Variants in FCHSD2 observed in about 807,000 individuals in gnomAD.
FCHSD2 encodes the protein FCH and double SH3 domains 2, also known as F-BAR and double SH3 domains protein 2.
FCHSD2 carries 38 observed loss-of-function variants against 108.1 expected under a neutral mutation model. The ratio of observed to expected loss-of-function variants is 0.35; its 90% confidence interval spans 0.27 to 0.46. FCHSD2 has a LOEUF of 0.46. Among genes scored for constraint, FCHSD2 ranks in the 20% least tolerant of loss-of-function variants. FCHSD2 has a pLI of 1.00. For missense variants in FCHSD2, 751 were observed against 897.8 expected, an observed-to-expected ratio of 0.84 and a Z score of 2.09; for synonymous variants, 279 against 314.7, an observed-to-expected ratio of 0.89 and a Z score of 1.20.
chr11:72,966,399 A>T (rs989645092), intron 8 of FCHSD2, among the ~76,000 whole-genome samples: 3 of 152,070 alleles, frequency 2.0e-5, no homozygotes, highest in Non-Finnish European at 4.4e-5. Context: ...ATCTCAAGTG[A>T]TCCTCCTGCT....
At chr11:73,061,610 G>A (rs1216615459) in intron 3 of FCHSD2, among the ~76,000 whole-genome samples, 5 of 152,176 alleles carry the variant, frequency 3.3e-5, no homozygotes, top group Admixed American at 6.5e-5. Flanking sequence ...GACCTGGGAC[G>A]CTCGAGCTTG....
At chr11:73,018,494 G>A (rs891270750) in intron 3 of FCHSD2, among the ~76,000 whole-genome samples, 2 of 149,904 alleles carry the variant, frequency 1.3e-5, no homozygotes, top group African/African-American at 4.9e-5. Context: ...TACTCTATAA[G>A]CTCCATCAGG....
At chr11:72,953,460 C>T (rs1304896262) in intron 8 of FCHSD2, among the ~76,000 whole-genome samples, 7 of 152,130 alleles carry the variant, frequency 4.6e-5, no homozygotes, top group African/African-American at 7.2e-5. Context: ...TGTAAAACAT[C>T]ATCTAATTTA....
intron 8 of FCHSD2, among the ~76,000 whole-genome samples, chr11:72,973,316 G>A (rs1297424017): frequency 1.3e-5 from 2 of 151,792 alleles, no homozygotes; most frequent in African/African-American, 2.4e-5. Context: ...GTGGTGAGAC[G>A]AGATCGTGCC....
At chr11:73,115,912 T>C (rs894393480) in intron 2 of FCHSD2, among the ~76,000 whole-genome samples, 3 of 152,250 alleles carry the variant, frequency 2.0e-5, no homozygotes, top group African/African-American at 4.8e-5. Flanking sequence ...TGGCAACATG[T>C]AGATTAACAT....
chr11:72,946,773 G>A (rs1045552028), intron 8 of FCHSD2, among the ~76,000 whole-genome samples: 1 of 152,102 alleles, frequency 6.6e-6, no homozygotes, highest in African/African-American at 2.4e-5. Flanking sequence ...CCACCTTTAA[G>A]GTAGACAACA....
chr11:72,863,016 G>A (rs1854635094), intron 13 of FCHSD2, among the ~76,000 whole-genome samples: 1 of 152,096 alleles, frequency 6.6e-6, no homozygotes, highest in Non-Finnish European at 1.5e-5. Context: ...TTGAACTTCT[G>A]GGTTCAAGAT....
chr11:73,003,488 A>ATTTTTTT (rs574233006), intron 4 of FCHSD2, among the ~76,000 whole-genome samples: 65 of 139,356 alleles, frequency 4.7e-4, no homozygotes, highest in African/African-American at 1.6e-3. Flanking sequence ...TCATAGAGTG[A>ATTTTTTT]TTTTTTTTTT....
chr11:73,141,702 G>A (rs1174677826), intron 1 of FCHSD2, among the ~76,000 whole-genome samples, 155 bp downstream of exon 1: 1 of 152,126 alleles, frequency 6.6e-6, no homozygotes, highest in African/African-American at 2.4e-5. Context: ...TCACACGCGC[G>A]CCCCCCACCT....
intron 3 of FCHSD2, among the ~76,000 whole-genome samples, chr11:73,048,739 C>T (rs1440973664): frequency 1.3e-5 from 2 of 152,066 alleles, no homozygotes; most frequent in East Asian, 1.9e-4. Flanking sequence ...CCAAGCAAGC[C>T]GTATGACCAA....
intron 8 of FCHSD2, 199 bp downstream of exon 8, chr11:72,983,889 G>T (rs1857262849): frequency 3.0e-6 from 2 of 667,636 alleles, no homozygotes; most frequent in African/African-American, 1.8e-5. Flanking sequence ...TGACTTGTCT[G>T]TAAACATTTT....
chr11:73,045,069 CAAA>C (rs796407149), intron 3 of FCHSD2, among the ~76,000 whole-genome samples: 3 of 99,622 alleles, frequency 3.0e-5, no homozygotes, highest in Non-Finnish European at 2.1e-5. Flanking sequence ...GACTCCATCT[CAAA>C]AAAAAAAAAA....
At chr11:72,842,344 G>A (rs1860985320) in intron 17 of FCHSD2, among the ~76,000 whole-genome samples, 1 of 152,162 alleles carries the variant, frequency 6.6e-6, no homozygotes, top group Non-Finnish European at 1.5e-5. Context: ...CCACCAAAAC[G>A]ATCTTTGGTA....
chr11:72,957,838 T>C (rs1403788077), intron 8 of FCHSD2, among the ~76,000 whole-genome samples: 2 of 152,064 alleles, frequency 1.3e-5, no homozygotes, highest in Non-Finnish European at 1.5e-5. Flanking sequence ...CACATAAATA[T>C]ATAGTGAGGG....
chr11:72,857,785 G>T (rs1282564941), intron 13 of FCHSD2, among the ~76,000 whole-genome samples: 2 of 152,096 alleles, frequency 1.3e-5, no homozygotes, highest in East Asian at 1.9e-4. Flanking sequence ...CAGGAAAGAT[G>T]ATCTTTTTGA....
At chr11:73,031,354 T>C (rs1370333790) in intron 3 of FCHSD2, among the ~76,000 whole-genome samples, 4 of 151,860 alleles carry the variant, frequency 2.6e-5, no homozygotes, top group Admixed American at 6.6e-5. Flanking sequence ...TGTGTGCCTG[T>C]AGTCCCAGCT....
chr11:72,954,075 C>T (rs1856665907), intron 8 of FCHSD2, among the ~76,000 whole-genome samples: 1 of 151,578 alleles, frequency 6.6e-6, no homozygotes, highest in Non-Finnish European at 1.5e-5. Flanking sequence ...GGCTATTACG[C>T]AGAGAATAGA....
chr11:72,882,704 AAC>A (rs1212645758), intron 12 of FCHSD2, among the ~76,000 whole-genome samples: 1 of 152,154 alleles, frequency 6.6e-6, no homozygotes, highest in Non-Finnish European at 1.5e-5. Context: ...CAAAAAAGGA[AAC>A]AGAGTGCCTA....
At chr11:72,853,614 C>T (rs769939770) in intron 13 of FCHSD2, among the ~76,000 whole-genome samples, 5 of 151,956 alleles carry the variant, frequency 3.3e-5, no homozygotes, top group African/African-American at 7.3e-5. Context: ...GGGGTTTTAC[C>T]GTGTTGCCCA....
Sources: gnomAD v4.1 joint callset for allele counts (sites outside exome capture counted in the v4.1 genomes callset) on GRCh38, gnomAD v4.1.1 for gene constraint, MANE v1.5 for transcripts, NCBI Gene and HGNC (gene_info 2026-07-23, HGNC 2026-07-21) for gene names.